GABPB1: variants seen among roughly 807,000 people sequenced by gnomAD.
The protein encoded by GABPB1 is GA binding protein transcription factor subunit beta 1.
A neutral mutation model predicts 45.9 loss-of-function variants in GABPB1; 15 were observed. The observed-to-expected ratio is 0.33, with a 90% CI of 0.22 to 0.50. The LOEUF is 0.50. Among genes scored for constraint, GABPB1 ranks in the 20% least tolerant of loss-of-function variants. The pLI, the probability that GABPB1 is intolerant of heterozygous loss-of-function variation, is 0.98. For synonymous variants in GABPB1, 143 were observed against 154.4 expected, an observed-to-expected ratio of 0.93 and a Z score of 0.55; for missense variants, 252 against 457.5, an observed-to-expected ratio of 0.55 and a Z score of 4.10.
intron 1 of GABPB1, among the ~76,000 whole-genome samples, chr15:50,316,706 T>C (rs1451262726): frequency 1.3e-5 from 2 of 152,022 alleles, no homozygotes; most frequent in Non-Finnish European, 2.9e-5. Flanking sequence ...AATATATCAA[T>C]ACTAATGTTA....
At chr15:50,354,757 T>G (rs2049027860) in intron 1 of GABPB1, 1 of 276,182 alleles carries the variant, frequency 3.6e-6, no homozygotes, top group African/African-American at 2.4e-5. Context: ...CCAGAAGCAG[T>G]GTGCCCAGCG....
intron 7 of GABPB1, 134 bp from the exon 8 acceptor site, chr15:50,286,317 TGCTTTTTATGAGACTATCCATA>T: frequency 1.6e-6 from 1 of 609,318 alleles, no homozygotes; most frequent in Non-Finnish European, 2.5e-6. Flanking sequence ...ATCATTGATT[TGCTTTTTATGAGACTATCCATA>T]TTTGTCTTTT....
chr15:50,294,049 T>C (rs1203358320), intron 6 of GABPB1, among the ~76,000 whole-genome samples: 1 of 152,148 alleles, frequency 6.6e-6, no homozygotes, highest in African/African-American at 2.4e-5. Context: ...AAAGTCAAGT[T>C]GTAATATTTA....
At position 50,304,885 on chromosome 15, in the gene GABPB1, T is replaced by C. The variant is rs1595768255; in HGVS notation, c.109-752A>G. On this transcript the variant is annotated intron_variant, in intron 2 of 8. Transcript: ENST00000380877. The stretch of plus-strand genomic sequence containing the variant: ...TTACTTTAAGTGGATCAAAATTGTT[T>C]TGTAGGTCTTAAAAAATTCACGTAT... Among the ~76,000 whole-genome samples, 7 of 152,290 alleles carry C rather than the reference T, an allele frequency of 4.6e-5. 2 individuals carry two copies. Among genetic ancestry groups the C allele is most frequent in the Admixed American group, 4.6e-4 (7 of 15,294 alleles).
chr15:50,307,868 T>C (rs1039561677), intron 2 of GABPB1, among the ~76,000 whole-genome samples: 5 of 152,202 alleles, frequency 3.3e-5, no homozygotes, highest in African/African-American at 1.2e-4. Flanking sequence ...CAATTACCTC[T>C]TTGAATTATT....
At chr15:50,354,556 C>A in intron 1 of GABPB1, 1 of 449,556 alleles carries the variant, frequency 2.2e-6, no homozygotes, top group Non-Finnish European at 4.4e-6. Flanking sequence ...GGCCCAGCCG[C>A]GCCTGCCTTC....
At chr15:50,303,320 G>A (rs1005120234) in intron 3 of GABPB1, among the ~76,000 whole-genome samples, 197 bp from the exon 4 acceptor site, 3 of 151,920 alleles carry the variant, frequency 2.0e-5, no homozygotes, top group Admixed American at 1.3e-4. Context: ...AGGCCGAGGC[G>A]GTTGGATCAG....
chr15:50,300,067 A>G (rs1252096177), intron 6 of GABPB1, among the ~76,000 whole-genome samples: 1 of 152,106 alleles, frequency 6.6e-6, no homozygotes, highest in African/African-American at 2.4e-5. Context: ...TTGGCCTCTC[A>G]AAGTGTTAGG....
At position 50,275,491 on chromosome 15, in the gene GABPB1, G is replaced by A. The variant is rs2045828531; in HGVS notation, c.*3141C>T. Reference sequence around the variant, plus strand: ...ATCCTAAGTCAAAAATATCATAAATGTAAAATGCAATTAATACCCTGATAA... The same window carrying A: ...ATCCTAAGTCAAAAATATCATAAATATAAAATGCAATTAATACCCTGATAA... On this transcript the variant is annotated 3_prime_UTR_variant, in exon 9 of 9. Transcript: ENST00000380877. 6.6e-6 allele frequency: 1 copy of A among 152,172 alleles called. No homozygotes were observed. Among genetic ancestry groups the A allele is most frequent in the Non-Finnish European group, 1.5e-5 (1 of 68,022 alleles). 9.4% of individuals were successfully genotyped at this position (152,172 alleles called of 1,614,324 possible).
intron 1 of GABPB1, among the ~76,000 whole-genome samples, chr15:50,342,181 C>G (rs2048398226): frequency 6.6e-6 from 1 of 152,204 alleles, no homozygotes; most frequent in Admixed American, 6.6e-5. Flanking sequence ...TTGACCTCAG[C>G]AAAATGAATT....
Position 50,300,423 on chromosome 15 carries a change from G to GCAA in GABPB1, c.697+363_697+365dup, listed in dbSNP as rs1225491756. 2.8e-5 allele frequency among the ~76,000 whole-genome samples: 3 copies of GCAA among 105,326 alleles called. No homozygotes were observed. In the East Asian group the frequency reaches 6.4e-4, roughly 22 times the overall value. The allele number at this position is 105,326 out of a possible 152,430, so 69.1% of individuals were successfully genotyped here. A position where few individuals can be genotyped will look rare whatever the true frequency, so the allele number is the denominator to read the frequency against. On this transcript the variant is annotated intron_variant, in intron 6 of 8. Transcript: ENST00000380877. ...CTGGCCTTTGTAAATATTTGAATCT[G>GCAA]CAACTGTTTTTGGTTTTTTTTTTTT...
chr15:50,327,055 T>A (rs1254245527), intron 1 of GABPB1: 1 of 152,126 alleles, frequency 6.6e-6, no homozygotes. Context: ...CAGTTGTTTT[T>A]AAATCACATG....
chr15:50,343,046 C>T (rs1364268610), intron 1 of GABPB1, among the ~76,000 whole-genome samples: 3 of 152,058 alleles, frequency 2.0e-5, no homozygotes, highest in African/African-American at 4.8e-5. Flanking sequence ...ACTACAGGCG[C>T]CCACCACCAC....
intron 1 of GABPB1, among the ~76,000 whole-genome samples, chr15:50,348,043 G>A (rs868340354): frequency 5.5e-4 from 63 of 113,702 alleles, no homozygotes; most frequent in South Asian, 1.1e-3. Context: ...ACTCCATCTG[G>A]AAAAAAAAAA....
chr15:50,290,275 AG>A (rs1404228785), intron 6 of GABPB1, among the ~76,000 whole-genome samples: 2 of 152,156 alleles, frequency 1.3e-5, no homozygotes, highest in Non-Finnish European at 2.9e-5. Context: ...ATCATGACAA[AG>A]GTTATATCTG....
chr15:50,317,653 T>A (rs901127243), intron 1 of GABPB1, among the ~76,000 whole-genome samples: 1 of 152,170 alleles, frequency 6.6e-6, no homozygotes, highest in Non-Finnish European at 1.5e-5. Flanking sequence ...CTCACGCCTG[T>A]AATCCCAGCA....
chr15:50,339,100 C>T (rs2048249254), intron 1 of GABPB1, among the ~76,000 whole-genome samples: 1 of 152,074 alleles, frequency 6.6e-6, no homozygotes, highest in East Asian at 1.9e-4. Flanking sequence ...TGACCCTGAC[C>T]TCAGGGTCAG....
In GABPB1 at chr15:50,309,776, T is replaced by C. The variant is rs1282059670; in HGVS notation, c.23A>G (p.Lys8Arg). 1 of 1,613,056 alleles carries C rather than the reference T, an allele frequency of 6.2e-7. No individual in the cohort carries two copies. The highest frequency in any genetic ancestry group is 8.5e-7 in the Non-Finnish European group (1 of 1,179,148). MSLVDLG[K>R]KLLEAARAGQ... is the part of the protein sequence containing the mutation. ...TGCTCGTGCCGCTTCTAAAAGCTTC[T>C]TTCCCAAATCTACCAGGGACATCTA... Residue 8 changes from lysine (K) to arginine (R), a missense_variant, in exon 2 of 9, where the codon AAG becomes AGG. Physicochemically the swap from Lys to Arg is conservative, Grantham distance 26. This residue lies in a region of GABPB1 where 35 missense variants were observed against 143.7 expected (regional missense o/e 0.24). Transcript: ENST00000380877.
At chr15:50,338,186 C>G (rs1466514112) in intron 1 of GABPB1, among the ~76,000 whole-genome samples, 1 of 150,386 alleles carries the variant, frequency 6.6e-6, no homozygotes, top group South Asian at 2.1e-4. Context: ...ATTACAGGCA[C>G]GTGCCACCAC....
Sources: gnomAD v4.1 joint callset for allele counts (sites outside exome capture counted in the v4.1 genomes callset) on GRCh38, gnomAD v4.1.1 for gene constraint, gnomAD v4.1.1 regional missense constraint, MANE v1.5 for transcripts, NCBI Gene and HGNC (gene_info 2026-07-23, HGNC 2026-07-21) for gene names.